Variants in STARD3NL observed in about 807,000 individuals in gnomAD.
The protein encoded by STARD3NL is STARD3 N-terminal-like protein.
In STARD3NL, 17 loss-of-function variants were observed where a neutral mutation model predicts 30.9. That is an observed-to-expected ratio of 0.55 (90% CI 0.38 to 0.82). The LOEUF is 0.82. STARD3NL is among the 40% of genes least tolerant of loss of function. STARD3NL has a pLI of 0.00. For missense variants in STARD3NL, 234 were observed against 277.6 expected (o/e 0.84, Z 1.12); for synonymous variants, 112 against 100.5 (o/e 1.11, Z -0.69).
At chr7:38,227,890 A>G (rs1328559194) in intron 7 of STARD3NL, among the ~76,000 whole-genome samples, 1 of 152,178 alleles carries the variant, frequency 6.6e-6, no homozygotes, top group Non-Finnish European at 1.5e-5. Flanking sequence ...CTTTTTAAAA[A>G]TATAATTTAA....
intron 2 of STARD3NL, among the ~76,000 whole-genome samples, chr7:38,213,671 A>G (rs879808784): frequency 1.3e-5 from 2 of 152,174 alleles, no homozygotes; most frequent in Non-Finnish European, 2.9e-5. Flanking sequence ...ATTTTTTAAA[A>G]GTATTATGCT....
intron 2 of STARD3NL, among the ~76,000 whole-genome samples, chr7:38,213,995 G>A (rs1785957405): frequency 6.6e-6 from 1 of 152,224 alleles, no homozygotes. Context: ...TGATCAGAAA[G>A]TAAGGTAGTC....
chr7:38,224,915 A>G (rs1463591818), intron 7 of STARD3NL, among the ~76,000 whole-genome samples: 4 of 152,170 alleles, frequency 2.6e-5, no homozygotes, highest in African/African-American at 9.7e-5. Context: ...GAAAAAACAT[A>G]ATACTGATAG....
chr7:38,182,764 G>A (rs1235475652), intron 1 of STARD3NL, among the ~76,000 whole-genome samples: 1 of 152,120 alleles, frequency 6.6e-6, no homozygotes, highest in East Asian at 1.9e-4. Context: ...AACAGGCATG[G>A]GTATGGAATC....
chr7:38,210,337 G>A (rs1785725887), intron 2 of STARD3NL, among the ~76,000 whole-genome samples: 2 of 152,172 alleles, frequency 1.3e-5, no homozygotes, highest in South Asian at 2.1e-4. Flanking sequence ...GGTGCTTAGA[G>A]CTTTAGAATA....
chr7:38,219,469 A>T (rs538006449), intron 6 of STARD3NL, 96 bp from the exon 7 acceptor site: 6 of 784,126 alleles, frequency 7.7e-6, no homozygotes, highest in Non-Finnish European at 1.3e-5. Context: ...AAGGTATTTC[A>T]TTGTAATAAT....
At chr7:38,206,031 C>A (rs1472573746) in intron 1 of STARD3NL, among the ~76,000 whole-genome samples, 1 of 152,136 alleles carries the variant, frequency 6.6e-6, no homozygotes, top group East Asian at 1.9e-4. Context: ...ATTTTACCAC[C>A]ACATTGTTAA....
chr7:38,229,609 G>A (rs984204261), intron 8 of STARD3NL, among the ~76,000 whole-genome samples: 8 of 152,230 alleles, frequency 5.3e-5, no homozygotes, highest in African/African-American at 1.4e-4. Flanking sequence ...GATAGAAGCT[G>A]ACTGGGTGGG....
intron 1 of STARD3NL, among the ~76,000 whole-genome samples, chr7:38,183,377 T>TA (rs1784324712): frequency 6.6e-6 from 1 of 152,212 alleles, no homozygotes; most frequent in East Asian, 1.9e-4. Context: ...CTCTGGCCCC[T>TA]ACCCACTAGA....
intron 4 of STARD3NL, chr7:38,215,759 T>C (rs570541429): frequency 6.6e-6 from 1 of 152,484 alleles, no homozygotes; most frequent in South Asian, 2.1e-4. Context: ...GAAGAAAATG[T>C]GGAGCTCCTC....
chr7:38,206,587 TA>T (rs2116231004), intron 1 of STARD3NL, among the ~76,000 whole-genome samples: 1 of 152,328 alleles, frequency 6.6e-6, no homozygotes, highest in South Asian at 2.1e-4. Flanking sequence ...ATATCTTCTG[TA>T]ATTATTGGTC....
intron 1 of STARD3NL, among the ~76,000 whole-genome samples, chr7:38,188,649 G>A (rs1328042466): frequency 6.6e-6 from 1 of 152,180 alleles, no homozygotes; most frequent in Non-Finnish European, 1.5e-5. Context: ...ACATTATGAA[G>A]TGCGGTTCTT....
rs550233166 is a variant in STARD3NL, at chr7:38,210,399, T to C, written c.225+2670T>C. ...ATAACAATAACCAAACTACTTTGCCTTCATGTATGACTTCCACCTTAGCCA... is the reference window on the plus strand; with the variant it reads ...ATAACAATAACCAAACTACTTTGCCCTCATGTATGACTTCCACCTTAGCCA... On this transcript the variant is annotated intron_variant, in intron 2 of 8. Coordinates refer to ENST00000009041, the MANE Select transcript of STARD3NL (RefSeq NM_032016.4). 1.7e-3 allele frequency among the ~76,000 whole-genome samples: 263 copies of C among 152,340 alleles called. 1 individual carries two copies. Among genetic ancestry groups the C allele is most frequent in the African/African-American group, 6.0e-3 (251 of 41,588 alleles).
chr7:38,223,310 G>A (rs141188233), intron 7 of STARD3NL, among the ~76,000 whole-genome samples: 35 of 152,174 alleles, frequency 2.3e-4, no homozygotes, highest in East Asian at 5.8e-4. Context: ...TGATCAGACC[G>A]CATCCTGCAT....
chr7:38,203,407 A>C (rs1785281854), intron 1 of STARD3NL, among the ~76,000 whole-genome samples: 1 of 152,206 alleles, frequency 6.6e-6, no homozygotes, highest in South Asian at 2.1e-4. Context: ...GAAATAAAAT[A>C]CTTTACAGAT....
At chr7:38,181,788 A>G (rs903249113) in intron 1 of STARD3NL, among the ~76,000 whole-genome samples, 1 of 152,206 alleles carries the variant, frequency 6.6e-6, no homozygotes, top group Admixed American at 6.5e-5. Context: ...GACCCAGGTC[A>G]TCATGATTTG....
chr7:38,225,489 A>G (rs924650451), intron 7 of STARD3NL, among the ~76,000 whole-genome samples: 2 of 152,220 alleles, frequency 1.3e-5, no homozygotes, highest in Non-Finnish European at 1.5e-5. Context: ...TAAGATTACA[A>G]TACATTTTGA....
chr7:38,192,089 A>G (rs937012148), intron 1 of STARD3NL, among the ~76,000 whole-genome samples: 1 of 152,152 alleles, frequency 6.6e-6, no homozygotes, highest in Non-Finnish European at 1.5e-5. Flanking sequence ...CAGTTTTGCA[A>G]TATTGCATAT....
At chr7:38,201,940 C>A (rs953744238) in intron 1 of STARD3NL, 1 of 152,268 alleles carries the variant, frequency 6.6e-6, no homozygotes, top group African/African-American at 2.4e-5. Flanking sequence ...CTGCCCGCCT[C>A]GGCCTCCTAA....
Sources: allele counts gnomAD v4.1 joint callset (sites outside exome capture counted in the v4.1 genomes callset), GRCh38; gene constraint gnomAD v4.1.1; transcripts MANE v1.5; gene names NCBI Gene and HGNC (gene_info 2026-07-23, HGNC 2026-07-21).